Variants in KPNA1 observed in about 807,000 individuals in gnomAD.
KPNA1 encodes the protein karyopherin subunit alpha 1.
Under a neutral mutation model 70.5 loss-of-function variants are expected in KPNA1, and 10 were observed. The ratio of observed to expected loss-of-function variants is 0.14; its 90% CI spans 0.09 to 0.24. The LOEUF (loss-of-function observed/expected upper bound fraction) is 0.24, where lower values mean the gene tolerates loss of function less well. Ranked by LOEUF, KPNA1 falls within the 10% of genes least tolerant of loss-of-function variation. The pLI, the probability that KPNA1 is intolerant of heterozygous loss-of-function variation, is 1.00. For synonymous variants in KPNA1, 192 were observed against 221.9 expected, an observed-to-expected ratio of 0.87 and a Z score of 1.20; for missense variants, 397 against 637.9, an observed-to-expected ratio of 0.62 and a Z score of 4.07.
At chr3:122,449,487 T>C in intron 9 of KPNA1, 87 bp downstream of exon 9, 1 of 1,048,754 alleles carries the variant, frequency 9.5e-7, no homozygotes, top group Non-Finnish European at 1.4e-6. Context: ...AATTATCATG[T>C]ACAATCCATT....
intron 11 of KPNA1, among the ~76,000 whole-genome samples, chr3:122,435,914 A>C (rs1032157436): frequency 1.3e-5 from 2 of 152,256 alleles, no homozygotes; most frequent in African/African-American, 2.4e-5. Flanking sequence ...TGAAAAAAGA[A>C]GAGGATAACA....
At chr3:122,472,183 T>C (rs2076450418) in intron 2 of KPNA1, among the ~76,000 whole-genome samples, 1 of 152,196 alleles carries the variant, frequency 6.6e-6, no homozygotes, top group Non-Finnish European at 1.5e-5. Context: ...GACCACATTC[T>C]GGGCCATAAA....
chr3:122,513,591 G>A (rs1019766988), intron 1 of KPNA1, among the ~76,000 whole-genome samples: 4 of 151,882 alleles, frequency 2.6e-5, no homozygotes, highest in Non-Finnish European at 2.9e-5. Context: ...ATGCCTTGAG[G>A]CCAGGAGTTC....
At chr3:122,513,007 C>T (rs753097138) in intron 1 of KPNA1, among the ~76,000 whole-genome samples, 1 of 152,150 alleles carries the variant, frequency 6.6e-6, no homozygotes, top group Non-Finnish European at 1.5e-5. Context: ...AGAACAGGGA[C>T]AGTGAGTTTT....
intron 2 of KPNA1, among the ~76,000 whole-genome samples, chr3:122,480,705 G>A (rs975453645): frequency 2.0e-5 from 3 of 151,908 alleles, no homozygotes; most frequent in Admixed American, 1.3e-4. Flanking sequence ...AAACCATTGA[G>A]GCCAGGCACA....
chr3:122,506,555 A>G (rs1307852116), intron 1 of KPNA1, among the ~76,000 whole-genome samples: 3 of 152,236 alleles, frequency 2.0e-5, no homozygotes, highest in African/African-American at 7.2e-5. Flanking sequence ...TTTTATTAAG[A>G]GCATTTCAGT....
At chr3:122,504,649 CGTGT>C (rs931988313) in intron 1 of KPNA1, among the ~76,000 whole-genome samples, 11 of 151,990 alleles carry the variant, frequency 7.2e-5, no homozygotes, top group African/African-American at 2.7e-4. Context: ...TGTGTGTGTG[CGTGT>C]GTCTGCGCAC....
At chr3:122,431,952 C>T (rs990341147) in intron 12 of KPNA1, among the ~76,000 whole-genome samples, 2 of 151,860 alleles carry the variant, frequency 1.3e-5, no homozygotes, top group Admixed American at 6.6e-5. Context: ...TACGGGTGCA[C>T]GCCACCACAC....
intron 13 of KPNA1, 75 bp downstream of exon 13, chr3:122,427,463 G>A (rs982016029): frequency 3.2e-5 from 45 of 1,385,104 alleles, no homozygotes; most frequent in Middle Eastern, 3.7e-4. Flanking sequence ...AGCAGTAGTA[G>A]TATTGTTTTT....
At chr3:122,486,812 C>T (rs2076635363) in intron 2 of KPNA1, among the ~76,000 whole-genome samples, 1 of 152,116 alleles carries the variant, frequency 6.6e-6, no homozygotes, top group African/African-American at 2.4e-5. Flanking sequence ...TGGTCTTGAT[C>T]TCCTGACCTC....
At chr3:122,479,519 G>A (rs1029418931) in intron 2 of KPNA1, among the ~76,000 whole-genome samples, 21 of 152,186 alleles carry the variant, frequency 1.4e-4, no homozygotes, top group African/African-American at 4.6e-4. Flanking sequence ...CAGCACTTTG[G>A]GAGGCCGAGG....
chr3:122,509,912 C>T (rs1456577085), intron 1 of KPNA1, among the ~76,000 whole-genome samples: 1 of 152,110 alleles, frequency 6.6e-6, no homozygotes, highest in Non-Finnish European at 1.5e-5. Context: ...CAAAAAAATA[C>T]CCATACCTAG....
At chr3:122,451,464 C>T in intron 8 of KPNA1, 70 bp downstream of exon 8, 2 of 774,254 alleles carry the variant, frequency 2.6e-6, no homozygotes, top group South Asian at 1.9e-5. Context: ...TTCCTGTTCA[C>T]CTTACCATTG....
intron 5 of KPNA1, among the ~76,000 whole-genome samples, chr3:122,455,542 C>T (rs368046750): frequency 2.0e-5 from 3 of 151,996 alleles, no homozygotes; most frequent in African/African-American, 7.2e-5. Flanking sequence ...ACATTTGTAC[C>T]GTACTTTATA....
intron 10 of KPNA1, 26 bp downstream of exon 10, chr3:122,442,012 A>C: frequency 3.4e-5 from 50 of 1,482,016 alleles, no homozygotes; most frequent in African/African-American, 4.2e-5. Context: ...TTTAAAGGAC[A>C]AAAAAAAGTT....
chr3:122,449,753 G>T lies in KPNA1; in HGVS notation c.754-16C>A, dbSNP rs1352974518. 2 of 1,596,148 alleles carry T rather than the reference G, an allele frequency of 1.3e-6. No homozygotes were observed. The highest frequency in any genetic ancestry group is 4.5e-5 in the East Asian group (2 of 44,356). On this transcript the variant is annotated splice_polypyrimidine_tract_variant and intron_variant, in intron 8 of 13. Coordinates refer to ENST00000344337, the MANE Select transcript of KPNA1 (RefSeq NM_002264.4). ...ATGGAGAAACCTGTAAAAGGAAAAT[G>T]ATGATTATGAAATTCAATAGACTAA...
At chr3:122,441,198 G>A (rs1449625871) in intron 10 of KPNA1, among the ~76,000 whole-genome samples, 2 of 152,196 alleles carry the variant, frequency 1.3e-5, no homozygotes, top group African/African-American at 4.8e-5. Flanking sequence ...ATAAATGGTC[G>A]ATGAGGCAGA....
chr3:122,513,066 C>G (rs188790069), intron 1 of KPNA1, among the ~76,000 whole-genome samples: 2 of 152,190 alleles, frequency 1.3e-5, no homozygotes, highest in East Asian at 1.9e-4. Context: ...TGTAAGTATT[C>G]GCTGATTGAA....
At chr3:122,430,684 C>T (rs534204005) in intron 12 of KPNA1, among the ~76,000 whole-genome samples, 6 of 151,940 alleles carry the variant, frequency 3.9e-5, no homozygotes, top group Non-Finnish European at 7.4e-5. Context: ...GAAACACACC[C>T]GCACAAAAAC....
Sources: allele counts gnomAD v4.1 joint callset (sites outside exome capture counted in the v4.1 genomes callset), GRCh38; gene constraint gnomAD v4.1.1; transcripts MANE v1.5; gene names NCBI Gene and HGNC (gene_info 2026-07-23, HGNC 2026-07-21).